The following CALN1 variants were observed in gnomAD, a reference collection of about 807,000 sequenced individuals.
The protein encoded by CALN1 is calcium-binding protein 8.
A neutral mutation model predicts 30.6 loss-of-function variants in CALN1; 17 were observed. The observed-to-expected ratio is 0.56, with a 90% CI of 0.38 to 0.83. CALN1 has a LOEUF of 0.83. Among genes scored for constraint, CALN1 ranks in the 40% least tolerant of loss-of-function variants. The probability of loss-of-function intolerance (pLI) is 0.00; values close to 1 mark genes in which losing one functional copy is unlikely to be tolerated. For missense variants in CALN1, 291 were observed against 354.9 expected (o/e 0.82, Z 1.45); for synonymous variants, 156 against 131.4 (o/e 1.19, Z -1.28).
Position 71,806,728 on chromosome 7 carries a change from C to G in CALN1, c.658+3608G>C, listed in dbSNP as rs187565239. ...GTCAGCTGGTCTGAAGGACCCCCCCCCAGGGAGCTGACTTACCAAAGAATG... is the reference window on the plus strand; with the variant it reads ...GTCAGCTGGTCTGAAGGACCCCCCCGCAGGGAGCTGACTTACCAAAGAATG... On this transcript the variant is annotated intron_variant, in intron 6 of 6. Transcript: ENST00000395275. 2.7e-4 allele frequency among the ~76,000 whole-genome samples: 41 copies of G among 152,174 alleles called. No homozygotes were observed. In the East Asian group the frequency reaches 3.7e-3, roughly 14 times the overall value.
rs527483756 is a variant in CALN1 at position 72,369,955 on chromosome 7, T to C, written c.119+33296A>G. On this transcript the variant is annotated intron_variant, in intron 2 of 6. Coordinates refer to ENST00000395275, the MANE Select transcript of CALN1 (RefSeq NM_031468.4). ...TCATGTTTGAGTCTTTCTATGAATA[T>C]ATGCTTTTATTTATTTTGGTTAAAT... 8.5e-5 allele frequency among the ~76,000 whole-genome samples: 13 copies of C among 152,326 alleles called. No individual in the cohort carries two copies. In the South Asian group the frequency reaches 2.3e-3, roughly 27 times the overall value.
intron 1 of CALN1, among the ~76,000 whole-genome samples, chr7:72,407,016 T>C (rs959807035): frequency 1.3e-5 from 2 of 152,132 alleles, no homozygotes; most frequent in East Asian, 3.8e-4. Context: ...CTCAGACCAG[T>C]AGGAGGCACT....
Position 72,030,686 on chromosome 7 carries a change from T to C in CALN1, c.389-6917A>G, listed in dbSNP as rs569673516. On this transcript the variant is annotated intron_variant, in intron 4 of 6. Coordinates refer to ENST00000395275, the MANE Select transcript of CALN1 (RefSeq NM_031468.4). The stretch of plus-strand genomic sequence containing the variant: ...CCAGGAAACCTGATAATCATAATAA[T>C]ATCTAACATTTACTGGGCACGCACA... Among the ~76,000 whole-genome samples, 44 of 152,226 alleles carry C rather than the reference T, an allele frequency of 2.9e-4. No individual in the cohort carries two copies. The East Asian group carries it at 3.9e-3, about 13-fold the overall frequency.
chr7:72,229,713 A>G (rs752768602), intron 3 of CALN1, among the ~76,000 whole-genome samples: 2 of 152,014 alleles, frequency 1.3e-5, no homozygotes, highest in East Asian at 3.8e-4. Context: ...GTTCTCACTC[A>G]TAAGTGGAAG....
At chr7:71,951,700 A>G (rs1796700457) in intron 5 of CALN1, among the ~76,000 whole-genome samples, 1 of 152,202 alleles carries the variant, frequency 6.6e-6, no homozygotes, top group Admixed American at 6.5e-5. Context: ...CTGCTATAGC[A>G]TCTCTAAATA....
At chr7:72,249,792 C>T (rs915307152) in intron 3 of CALN1, among the ~76,000 whole-genome samples, 7 of 152,088 alleles carry the variant, frequency 4.6e-5, no homozygotes, top group Admixed American at 1.3e-4. Flanking sequence ...CAAAAATTAG[C>T]TGGGTGTGGT....
intron 4 of CALN1, among the ~76,000 whole-genome samples, chr7:72,105,057 T>C (rs1274832497): frequency 6.7e-6 from 1 of 149,700 alleles, no homozygotes; most frequent in African/African-American, 2.5e-5. Context: ...GGTGAGAACA[T>C]GTGGTGCTTG....
intron 1 of CALN1, among the ~76,000 whole-genome samples, chr7:72,407,131 A>C (rs767277627): frequency 2.0e-5 from 3 of 152,222 alleles, no homozygotes; most frequent in African/African-American, 7.2e-5. Context: ...GTGAAGTAAT[A>C]TTGTTAAGAA....
chr7:71,978,262 C>CTTTT (rs1010635078), intron 5 of CALN1, among the ~76,000 whole-genome samples: 20 of 72,934 alleles, frequency 2.7e-4, no homozygotes, highest in African/African-American at 8.5e-4. Context: ...CTAGAGAATT[C>CTTTT]TTTTTTTTTT....
intron 3 of CALN1, among the ~76,000 whole-genome samples, chr7:72,180,262 T>C (rs553913977): frequency 4.4e-4 from 67 of 152,334 alleles, no homozygotes; most frequent in African/African-American, 1.5e-3. Context: ...TATGGGATGC[T>C]GTGAGCTTCA....
At chr7:72,032,780 G>A (rs1209917070) in intron 4 of CALN1, among the ~76,000 whole-genome samples, 1 of 152,136 alleles carries the variant, frequency 6.6e-6, no homozygotes, top group Non-Finnish European at 1.5e-5. Context: ...TTCCCAGGGA[G>A]GGGATACAGG....
At chr7:72,401,193 G>A (rs1806313036) in intron 2 of CALN1, among the ~76,000 whole-genome samples, 1 of 152,184 alleles carries the variant, frequency 6.6e-6, no homozygotes, top group Non-Finnish European at 1.5e-5. Flanking sequence ...TGCTTTACCT[G>A]AAGGAGGTTC....
At chr7:71,846,769 T>C (rs1790263998) in intron 5 of CALN1, among the ~76,000 whole-genome samples, 1 of 148,010 alleles carries the variant, frequency 6.8e-6, no homozygotes, top group African/African-American at 2.5e-5. Flanking sequence ...TATATACACG[T>C]ATATAAATAT....
chr7:71,882,239 A>G (rs760014614), intron 5 of CALN1, among the ~76,000 whole-genome samples: 3 of 152,092 alleles, frequency 2.0e-5, no homozygotes, highest in African/African-American at 4.8e-5. Context: ...GCAGTGTTGC[A>G]TCTCCTGTTC....
intron 6 of CALN1, among the ~76,000 whole-genome samples, chr7:71,798,250 C>G (rs1787082210): frequency 1.3e-5 from 2 of 151,352 alleles, no homozygotes; most frequent in African/African-American, 2.4e-5. Context: ...TGAGCCAGTG[C>G]TTTTTTGGTT....
the CALN1 span, among the ~76,000 whole-genome samples, chr7:72,453,443 G>A: frequency 2.0e-5 from 3 of 152,210 alleles, no homozygotes; most frequent in African/African-American, 7.2e-5. Flanking sequence ...GAAAGGGGTG[G>A]TAACTTCTGG....
chr7:72,185,932 G>C (rs1175170318), intron 3 of CALN1, among the ~76,000 whole-genome samples: 1 of 152,122 alleles, frequency 6.6e-6, no homozygotes, highest in Non-Finnish European at 1.5e-5. Flanking sequence ...AAATTGCCCA[G>C]TCTCAGGTGT....
chr7:72,389,460 G>A (rs151118370), intron 2 of CALN1, among the ~76,000 whole-genome samples: 1 of 152,166 alleles, frequency 6.6e-6, no homozygotes, highest in Non-Finnish European at 1.5e-5. Context: ...CTTTACACTA[G>A]GAAAAGAATT....
chr7:72,355,930 T>C (rs544047908), intron 2 of CALN1, among the ~76,000 whole-genome samples: 2 of 152,332 alleles, frequency 1.3e-5, no homozygotes, highest in East Asian at 3.9e-4. Context: ...ATATGTAAAT[T>C]ATCCTCAATA....
Sources: gnomAD v4.1 joint callset for allele counts (sites outside exome capture counted in the v4.1 genomes callset) on GRCh38, gnomAD v4.1.1 for gene constraint, MANE v1.5 for transcripts, NCBI Gene and HGNC (gene_info 2026-07-23, HGNC 2026-07-21) for gene names.